ZNF805: variants seen among roughly 807,000 people sequenced by gnomAD.
ZNF805 encodes CTC-444N24.8.
In ZNF805, 7 loss-of-function variants were observed where a neutral mutation model predicts 13.6. That is an observed-to-expected ratio of 0.51 (90% confidence interval 0.29 to 0.97). The LOEUF is 0.97. Among genes scored for constraint, ZNF805 ranks in the 50% least tolerant of loss-of-function variants. The pLI is 0.08. For synonymous variants in ZNF805, 293 were observed against 279.8 expected, an observed-to-expected ratio of 1.05 and a Z score of -0.47; for missense variants, 604 against 771.0, an observed-to-expected ratio of 0.78 and a Z score of 2.57.
At chr19:57,250,760 A>G (rs748171703) in intron 3 of ZNF805, among the ~76,000 whole-genome samples, 5 of 152,164 alleles carry the variant, frequency 3.3e-5, no homozygotes, top group Admixed American at 2.6e-4. Flanking sequence ...ATCTACTTCT[A>G]TTGTTTAATC....
chr19:57,245,631 T>C (rs1264234659), intron 2 of ZNF805, among the ~76,000 whole-genome samples: 1 of 149,510 alleles, frequency 6.7e-6, no homozygotes, highest in Non-Finnish European at 1.5e-5. Context: ...TACAAAAAAT[T>C]AGCCGGGCGT....
rs2087668629 is a variant in ZNF805, at chr19:57,253,887, A to G, written c.1068A>G (p.Ser356=). The change falls in exon 4 of 4, where the codon TCA becomes TCG. Residue 356 remains serine, a synonymous_variant. Transcript: ENST00000414468. The surrounding 1 kb of genome is among the most constrained non-coding windows in gnomAD (Gnocchi z 4.4). ...GTGGCAAGGTCTTCAAACACAGATC[A>G]TACCTCATGTGGCACCAGCAGACTC... The part of the protein sequence containing the change: ...FECGKVFKHR[S]YLMWHQQTHT... The G allele has an allele frequency of 6.2e-7, 1 of 1,614,028 alleles. No homozygotes were observed. Among genetic ancestry groups the G allele is most frequent in the African/African-American group, 1.3e-5 (1 of 74,908 alleles).
In ZNF805 at chr19:57,253,117, C is replaced by A; in HGVS notation, c.298C>A (p.Leu100Ile). Residue 100 changes from leucine (L) to isoleucine (I), a missense_variant, in exon 4 of 4, where the codon CTA becomes ATA. By Grantham distance (5) the Leu-to-Ile change is conservative. This residue lies in a region of ZNF805 where 327 missense variants were observed against 378.2 expected (regional missense o/e 0.86). Coordinates refer to ENST00000414468, the MANE Select transcript of ZNF805 (RefSeq NM_001023563.4). This position sits in a 1 kb window ranked among gnomAD's most constrained non-coding sequence, Gnocchi z 4.4. ...PKSTEPTTCE[L>I]ALSEGISFWG... The stretch of plus-strand genomic sequence containing the variant: ...GAGCACAGAACCTACCACCTGTGAG[C>A]TAGCCTTGTCTGAAGGAATCTCTTT... 1 of 1,505,918 alleles carries A rather than the reference C, an allele frequency of 6.6e-7. No homozygotes were observed. The highest frequency in any genetic ancestry group is 8.8e-7 in the Non-Finnish European group (1 of 1,131,498). 93.3% of individuals were successfully genotyped at this position (1,505,918 alleles called of 1,614,324 possible).
At position 57,245,549 on chromosome 19, in the gene ZNF805, A is replaced by C. The variant is rs2885167; in HGVS notation, c.157+1500A>C. 3.3e-5 allele frequency among the ~76,000 whole-genome samples: 5 copies of C among 150,446 alleles called. No homozygotes were observed. The South Asian group carries it at 1.1e-3, about 32-fold the overall frequency. ...AATCCCAGCACTTTGGGAGGCCGAG[A>C]TGGGCGGATCACAAGGTCAGGAGAT... On this transcript the variant is annotated intron_variant, in intron 2 of 3. Transcript: ENST00000414468.
At position 57,257,951 on chromosome 19, in the gene ZNF805, A is replaced by C. The variant is rs1352583280; in HGVS notation, c.*3248A>C. Among the ~76,000 whole-genome samples, 1 of 145,368 alleles carries C rather than the reference A, an allele frequency of 6.9e-6. No homozygotes were observed. Among genetic ancestry groups the C allele is most frequent in the Non-Finnish European group, 1.5e-5 (1 of 66,708 alleles). On this transcript the variant is annotated 3_prime_UTR_variant, in exon 4 of 4. Coordinates refer to ENST00000414468, the MANE Select transcript of ZNF805 (RefSeq NM_001023563.4). ...TCGAACTCCTGACCTCAGGTGATCC[A>C]CCTGCCTCAGCCTCCCAAAGTGCTA... is the stretch of plus-strand genomic sequence containing the variant.
At chr19:57,248,141 G>C (rs766148092) in intron 2 of ZNF805, among the ~76,000 whole-genome samples, 3 of 151,708 alleles carry the variant, frequency 2.0e-5, no homozygotes, top group Non-Finnish European at 2.9e-5. Flanking sequence ...CTGCACTCCA[G>C]CCTGGGCAAC....
At position 57,254,435 on chromosome 19, in the gene ZNF805, A is replaced by G. The variant is rs1405169126; in HGVS notation, c.1616A>G (p.Tyr539Cys). The change falls in exon 4 of 4, where the codon TAT becomes TGT. Residue 539 changes from tyrosine (Y) to cysteine (C), a missense_variant. Physicochemically the swap from Tyr to Cys is radical, Grantham distance 194. This residue lies in a region of ZNF805 where 228 missense variants were observed against 352.8 expected (regional missense o/e 0.65). Transcript: ENST00000414468. ...HSIIHTGEKP[Y>C]ECSECGKAFS... Reference sequence around the variant, plus strand: ...ATCATCCACACTGGAGAGAAGCCGTATGAGTGCAGTGAATGTGGAAAGGCC... The same window carrying G: ...ATCATCCACACTGGAGAGAAGCCGTGTGAGTGCAGTGAATGTGGAAAGGCC... 1.2e-6 allele frequency: 2 copies of G among 1,614,240 alleles called. No individual in the cohort carries two copies. The highest frequency in any genetic ancestry group is 1.1e-5 in the South Asian group (1 of 91,092).
intron 1 of ZNF805, 122 bp from the exon 2 acceptor site, chr19:57,243,801 G>A: frequency 7.2e-7 from 1 of 1,382,892 alleles, no homozygotes; most frequent in Non-Finnish European, 1.0e-6. Flanking sequence ...CTTCAGCCTG[G>A]TACAAAGTTA....
rs1175117835 is a variant in ZNF805, at chr19:57,253,031, T to G, written c.254-42T>G. The G allele has an allele frequency of 2.2e-6, 3 of 1,365,864 alleles. No homozygotes were observed. Among genetic ancestry groups the G allele is most frequent in the East Asian group, 5.4e-5 (2 of 36,844 alleles). The allele number at this position is 1,365,864 out of a possible 1,614,324, so 84.6% of individuals were successfully genotyped here. On this transcript the variant is annotated intron_variant, in intron 3 of 3. Transcript: ENST00000414468. The surrounding 1 kb of genome is among the most constrained non-coding windows in gnomAD (Gnocchi z 4.4). ...GTGGTGAGTTTGTTTCTTCTCTTTT[T>G]ACATTACTAACAAGCCCTTCTGTGT...
chr19:57,244,118 C>A, intron 2 of ZNF805, 69 bp downstream of exon 2: 1 of 1,560,334 alleles, frequency 6.4e-7, no homozygotes, highest in South Asian at 1.2e-5. Context: ...GACTCCAGGC[C>A]TGATGGGTCA....
At position 57,261,373 on chromosome 19, in the gene ZNF805, T is replaced by C. The variant is rs1797880389; in HGVS notation, c.*6670T>C. 1 of 166,944 alleles carries C rather than the reference T, an allele frequency of 6.0e-6. No homozygotes were observed. Among genetic ancestry groups the C allele is most frequent in the Non-Finnish European group, 1.5e-5 (1 of 68,106 alleles). The allele number at this position is 166,944 out of a possible 1,614,324, so 10.3% of individuals were successfully genotyped here. On this transcript the variant is annotated 3_prime_UTR_variant, in exon 4 of 4. Transcript: ENST00000414468. ...GAAGGGCTAAGGCATGCATGTTGTT[T>C]TAGGTGTGTTTGAGATGCCTGAAGA...
rs573752689 is a variant in ZNF805 at position 57,257,547 on chromosome 19, A to C, written c.*2844A>C. Among the ~76,000 whole-genome samples, 69 of 151,728 alleles carry C rather than the reference A, an allele frequency of 4.5e-4. No homozygotes were observed. The highest frequency in any genetic ancestry group is 1.6e-3 in the African/African-American group (68 of 41,346). ...TAATACTCTTATCAATTTTTATCTG[A>C]TATTTGTGTGGTCAGTCTTACGTTT... is the stretch of plus-strand genomic sequence containing the variant. On this transcript the variant is annotated 3_prime_UTR_variant, in exon 4 of 4. Transcript: ENST00000414468.
intron 2 of ZNF805, among the ~76,000 whole-genome samples, chr19:57,246,749 C>A (rs963998070): frequency 6.7e-6 from 1 of 148,642 alleles, no homozygotes; most frequent in African/African-American, 2.5e-5. Flanking sequence ...GCACTCCAGC[C>A]TGATGACAGA....
Position 57,254,674 on chromosome 19 carries a change from A to T in ZNF805, c.1855A>T (p.Arg619Ter), listed in dbSNP as rs752856341. The change falls in exon 4 of 4, where the codon AGA becomes TGA. Residue 619 changes from arginine (R) to a stop codon, truncating the protein, a stop_gained. Coordinates refer to ENST00000414468, the MANE Select transcript of ZNF805 (RefSeq NM_001023563.4). LOFTEE classifies it high-confidence loss of function. The part of the protein sequence containing the change: ...SYMASDRTYQ[R>*]ETPQVSSL ...CATGGCATCTGATCGTACATACCAA[A>T]GAGAAACCCCACAAGTGTCTTCACT... 7.4e-6 allele frequency: 12 copies of T among 1,613,036 alleles called. No individual in the cohort carries two copies. Among genetic ancestry groups the T allele is most frequent in the Non-Finnish European group, 1.0e-5 (12 of 1,179,576 alleles).
In ZNF805 at chr19:57,253,520, CA is replaced by C. The variant is rs772739590; in HGVS notation, c.702del (p.Glu235SerfsTer152). On this transcript the variant is annotated frameshift_variant, in exon 4 of 4. Transcript: ENST00000414468. LOFTEE classifies it high-confidence loss of function. This position sits in a 1 kb window ranked among gnomAD's most constrained non-coding sequence, Gnocchi z 4.4. ...TCTGGAGTGAAGCCCTATGAATGCA[CA>C]GAGTGTGGAAAAACCTTTAGCAAGA... ...IHSGVKPYECTECGKTFSKST... is the reference protein window; with the variant it reads ...IHSGVKPYECXECGKTFSKST... 2 of 1,611,708 alleles carry C rather than the reference CA, an allele frequency of 1.2e-6. No individual in the cohort carries two copies. Among genetic ancestry groups the C allele is most frequent in the African/African-American group, 2.7e-5 (2 of 74,876 alleles).
intron 3 of ZNF805, among the ~76,000 whole-genome samples, chr19:57,248,921 GGCT>G (rs1372808999): frequency 1.3e-5 from 2 of 151,938 alleles, no homozygotes; most frequent in Admixed American, 1.3e-4. Flanking sequence ...CTGGTCCTGG[GGCT>G]GCAGCCTTGT....
In ZNF805 at chr19:57,256,225, A is replaced by G. The variant is rs1373112018; in HGVS notation, c.*1522A>G. On this transcript the variant is annotated 3_prime_UTR_variant, in exon 4 of 4. Transcript: ENST00000414468. ...TTTTGTTTGTGTACTATGCTACAGTATTTCATTTGCTAGTATTTTGTTGAG... is the reference window on the plus strand; with the variant it reads ...TTTTGTTTGTGTACTATGCTACAGTGTTTCATTTGCTAGTATTTTGTTGAG... Among the ~76,000 whole-genome samples, 1 of 152,076 alleles carries G rather than the reference A, an allele frequency of 6.6e-6. No individual in the cohort carries two copies.
At position 57,253,194 on chromosome 19, in the gene ZNF805, C is replaced by A; in HGVS notation, c.375C>A (p.Pro125=). ...CAGGGGACTCCCAGTTGGGGCAACC[C>A]AAGGATCAGGATGGGTTTTCAGAAA... ...GASGDSQLGQ[P]KDQDGFSEMQ... is the part of the protein sequence containing the mutation. Residue 125 remains proline (P), a synonymous_variant, in exon 4 of 4, where the codon CCC becomes CCA. Coordinates refer to ENST00000414468, the MANE Select transcript of ZNF805 (RefSeq NM_001023563.4). This position sits in a 1 kb window ranked among gnomAD's most constrained non-coding sequence, Gnocchi z 4.4. 1 of 1,561,436 alleles carries A rather than the reference C, an allele frequency of 6.4e-7. No individual in the cohort carries two copies. Among genetic ancestry groups the A allele is most frequent in the East Asian group, 2.4e-5 (1 of 42,406 alleles).
rs1394859428 is a variant in ZNF805, at chr19:57,258,438, T to G, written c.*3735T>G. Among the ~76,000 whole-genome samples, 3 of 14,264 alleles carry G rather than the reference T, an allele frequency of 2.1e-4. No individual in the cohort carries two copies. Among genetic ancestry groups the G allele is most frequent in the Non-Finnish European group, 5.0e-4 (3 of 5,998 alleles). 9.4% of individuals were successfully genotyped at this position (14,264 alleles called of 152,430 possible). A position where few individuals can be genotyped will look rare whatever the true frequency, so the allele number is the denominator to read the frequency against. The stretch of plus-strand genomic sequence containing the variant: ...TTGCTTCTTTCTTGGTTTGTTTGGG[T>G]TTTTTTTTTTTTGTCTTTAACATTT... On this transcript the variant is annotated 3_prime_UTR_variant, in exon 4 of 4. Coordinates refer to ENST00000414468, the MANE Select transcript of ZNF805 (RefSeq NM_001023563.4).
Sources: allele counts gnomAD v4.1 joint callset (sites outside exome capture counted in the v4.1 genomes callset), GRCh38; gene constraint gnomAD v4.1.1; regional missense constraint gnomAD v4.1.1; non-coding constraint Gnocchi (gnomAD v3.1); transcripts MANE v1.5; gene names NCBI Gene and HGNC (gene_info 2026-07-23, HGNC 2026-07-21).